The following AFF3 variants were observed in gnomAD, a reference collection of about 807,000 sequenced individuals.
AFF3 encodes ALF transcription elongation factor 3.
Under a neutral mutation model 129.7 loss-of-function variants are expected in AFF3, and 32 were observed. The observed-to-expected ratio is 0.25, with a 90% CI of 0.19 to 0.33. The LOEUF (loss-of-function observed/expected upper bound fraction) is 0.33. Among genes scored for constraint, AFF3 ranks in the 10% least tolerant of loss-of-function variants. The probability of loss-of-function intolerance (pLI) is 1.00; values close to 1 mark genes in which losing one functional copy is unlikely to be tolerated. For missense variants in AFF3, 1,373 were observed against 1,592.0 expected (o/e 0.86, Z 2.34); for synonymous variants, 644 against 635.4 (o/e 1.01, Z -0.20).
chr2:99,926,599 A>G (rs934168), intron 7 of AFF3, among the ~76,000 whole-genome samples: 68,954 of 151,842 alleles, frequency 0.45, 16,796 homozygotes, highest in African/African-American at 0.63. Context: ...GGACAATTTC[A>G]ATTGTGATTT....
chr2:99,760,876 C>T (rs954264882), intron 8 of AFF3, among the ~76,000 whole-genome samples: 1 of 152,132 alleles, frequency 6.6e-6, no homozygotes, highest in Admixed American at 6.6e-5. Context: ...TTCCCCTACT[C>T]TTGAGAGGTC....
chr2:99,873,904 G>A (rs2105976503), intron 7 of AFF3, among the ~76,000 whole-genome samples: 2 of 152,212 alleles, frequency 1.3e-5, no homozygotes, highest in African/African-American at 2.4e-5. Flanking sequence ...GCCGGGCGCG[G>A]TGGCTCACGC....
intron 7 of AFF3, among the ~76,000 whole-genome samples, chr2:99,930,102 T>C (rs759544684): frequency 3.3e-5 from 5 of 152,160 alleles, no homozygotes; most frequent in Non-Finnish European, 4.4e-5. Flanking sequence ...GAGTGTTTAC[T>C]GTGTAGATGA....
intron 11 of AFF3, among the ~76,000 whole-genome samples, chr2:99,699,916 T>C (rs1676676502): frequency 6.6e-6 from 1 of 152,222 alleles, no homozygotes; most frequent in Admixed American, 6.5e-5. Flanking sequence ...CTTCCACCTG[T>C]TAACATGGGA....
intron 4 of AFF3, among the ~76,000 whole-genome samples, chr2:100,047,432 G>A (rs1685924304): frequency 6.6e-6 from 1 of 152,190 alleles, no homozygotes; most frequent in Non-Finnish European, 1.5e-5. Context: ...TCCAGAACTC[G>A]GTAAATGCTG....
In AFF3 at chr2:99,754,210, T is replaced by C. The variant is rs1436944499; in HGVS notation, c.922-1909A>G. Among the ~76,000 whole-genome samples the C allele has an allele frequency of 2.6e-5, 4 of 152,248 alleles. No homozygotes were observed. In the East Asian group the frequency reaches 7.7e-4, roughly 29 times the overall value. On this transcript the variant is annotated intron_variant, in intron 8 of 24. Coordinates refer to ENST00000672756, the MANE Select transcript of AFF3 (RefSeq NM_001386135.1). Reference sequence around the variant, plus strand: ...ATTTTGCTATAAGTGGCTTCAAATCTTCTGTAGAGAAATTATTCATCAATT... The same window carrying C: ...ATTTTGCTATAAGTGGCTTCAAATCCTCTGTAGAGAAATTATTCATCAATT...
At chr2:99,957,656 T>G (rs930802834) in intron 7 of AFF3, among the ~76,000 whole-genome samples, 1 of 152,202 alleles carries the variant, frequency 6.6e-6, no homozygotes, top group Non-Finnish European at 1.5e-5. Flanking sequence ...CTTTCACTAG[T>G]GCTGTCTGTG....
chr2:99,687,765 T>C (rs1675212754), intron 11 of AFF3, among the ~76,000 whole-genome samples: 12 of 152,194 alleles, frequency 7.9e-5, no homozygotes. Flanking sequence ...TCTCGAATAC[T>C]CCGTGTCCAG....
chr2:99,901,038 C>T (rs1480251967), intron 7 of AFF3, among the ~76,000 whole-genome samples: 1 of 152,210 alleles, frequency 6.6e-6, no homozygotes, highest in African/African-American at 2.4e-5. Context: ...AAGAAACAGA[C>T]TGTGTGCGTA....
At chr2:100,137,758 A>T (rs1692694872) in intron 1 of AFF3, among the ~76,000 whole-genome samples, 1 of 152,170 alleles carries the variant, frequency 6.6e-6, no homozygotes, top group African/African-American at 2.4e-5. Context: ...CATAGGTGAA[A>T]GGAGTGTATC....
intron 8 of AFF3, among the ~76,000 whole-genome samples, chr2:99,785,701 C>T (rs1684737419): frequency 6.6e-6 from 1 of 152,178 alleles, no homozygotes; most frequent in African/African-American, 2.4e-5. Context: ...TTTTCACATA[C>T]ACTCAAGAAA....
At position 99,564,349 on chromosome 2, in the gene AFF3, T is replaced by C. The variant is rs537087072; in HGVS notation, c.3119+1138A>G. ...GCTGGGCCTTGTTCTGAGGAAGGAATGTATGGATCTAGGATCCGTTAGAGT... is the reference window on the plus strand; with the variant it reads ...GCTGGGCCTTGTTCTGAGGAAGGAACGTATGGATCTAGGATCCGTTAGAGT... On this transcript the variant is annotated intron_variant, in intron 20 of 24. Transcript: ENST00000672756. Among the ~76,000 whole-genome samples, 10 of 152,250 alleles carry C rather than the reference T, an allele frequency of 6.6e-5. 1 individual carries two copies. In the South Asian group the frequency reaches 1.9e-3, roughly 28 times the overall value.
intron 4 of AFF3, among the ~76,000 whole-genome samples, chr2:100,048,611 G>A (rs991190092): frequency 6.6e-6 from 1 of 152,094 alleles, no homozygotes; most frequent in African/African-American, 2.4e-5. Flanking sequence ...TAAATTCCTT[G>A]GGTGATATTT....
chr2:100,113,610 C>T (rs556043843), intron 2 of AFF3, among the ~76,000 whole-genome samples: 6 of 152,278 alleles, frequency 3.9e-5, no homozygotes, highest in South Asian at 2.1e-4. Context: ...TGTACTATAA[C>T]GTATTACCTG....
intron 5 of AFF3, among the ~76,000 whole-genome samples, chr2:100,008,378 T>C (rs935838801): frequency 6.6e-6 from 1 of 152,242 alleles, no homozygotes; most frequent in Non-Finnish European, 1.5e-5. Context: ...GAAATAATCT[T>C]AGACTTTCTT....
At chr2:99,982,133 G>T (rs1679461022) in intron 7 of AFF3, among the ~76,000 whole-genome samples, 1 of 152,166 alleles carries the variant, frequency 6.6e-6, no homozygotes, top group Non-Finnish European at 1.5e-5. Flanking sequence ...AATTCAGTTT[G>T]GCCTTCCAAG....
chr2:99,890,666 CCT>C (rs1693482103), intron 7 of AFF3, among the ~76,000 whole-genome samples: 1 of 152,114 alleles, frequency 6.6e-6, no homozygotes, highest in Admixed American at 6.5e-5. Context: ...CCTCCGTGCC[CCT>C]GTCCTTCAAA....
At chr2:99,850,242 A>G (rs981639608) in intron 7 of AFF3, among the ~76,000 whole-genome samples, 1 of 152,166 alleles carries the variant, frequency 6.6e-6, no homozygotes, top group Admixed American at 6.6e-5. Context: ...TTCCACTATG[A>G]GAACTTCATT....
intron 2 of AFF3, among the ~76,000 whole-genome samples, chr2:100,128,486 C>G (rs909804873): frequency 1.3e-5 from 2 of 152,190 alleles, no homozygotes. Context: ...GTGACCTACT[C>G]AAGGAAGTTA....
Sources: allele counts gnomAD v4.1 joint callset (sites outside exome capture counted in the v4.1 genomes callset), GRCh38; gene constraint gnomAD v4.1.1; transcripts MANE v1.5; gene names NCBI Gene and HGNC (gene_info 2026-07-23, HGNC 2026-07-21).